Variants in SIGLEC12 observed in about 807,000 individuals in gnomAD.
SIGLEC12 encodes the protein sialic acid binding Ig like lectin 12.
Under a neutral mutation model 54.1 loss-of-function variants are expected in SIGLEC12, and 43 were observed. The ratio of observed to expected loss-of-function variants is 0.80; its 90% confidence interval spans 0.62 to 1.03. The LOEUF is 1.03. Among genes scored for constraint, SIGLEC12 ranks in the 50% least tolerant of loss-of-function variants. The pLI is 0.00. For missense variants in SIGLEC12, 802 were observed against 735.2 expected, an observed-to-expected ratio of 1.09 and a Z score of -1.05; for synonymous variants, 357 against 307.6, an observed-to-expected ratio of 1.16 and a Z score of -1.68.
rs1457225745 is a variant in SIGLEC12 at position 51,501,669 on chromosome 19, T to C, written c.65A>G (p.Lys22Arg). 2 of 1,613,950 alleles carry C rather than the reference T, an allele frequency of 1.2e-6. No homozygotes were observed. The highest frequency in any genetic ancestry group is 1.7e-6 in the Non-Finnish European group (2 of 1,179,974). ...CTTCTGCATTGTCAGCAGGTAATCC[T>C]TCTGTTCCTTAGCCCCCACTCTCCC... is the stretch of plus-strand genomic sequence containing the variant. ...LCGRVGAKEQ[K>R]DYLLTMQKSV... is the part of the protein sequence containing the mutation. Residue 22 changes from lysine to arginine, a missense_variant, in exon 1 of 8, where the codon AAG (lysine) becomes AGG (arginine). Transcript: ENST00000291707.
At chr19:51,497,896 A>C (rs896593670) in intron 5 of SIGLEC12, 122 bp downstream of exon 5, 18 of 1,389,058 alleles carry the variant, frequency 1.3e-5, no homozygotes, top group Non-Finnish European at 1.6e-5. Context: ...CCCACCCCGC[A>C]CTCACTGCTT....
intron 7 of SIGLEC12, among the ~76,000 whole-genome samples, chr19:51,494,643 T>C (rs1452513277): frequency 1.3e-5 from 2 of 152,168 alleles, no homozygotes; most frequent in Non-Finnish European, 2.9e-5. Flanking sequence ...AAGCAGGATA[T>C]TGAAAAGATA....
chr19:51,499,512 G>T lies in SIGLEC12; in HGVS notation c.1013C>A (p.Thr338Asn), dbSNP rs1161519746. The stretch of plus-strand genomic sequence containing the variant: ...CAAGGTCACCTGACAGGTGAGGCTG[G>T]TGCCATGGTCCTGGGGCTGTGGGAT... The part of the protein sequence containing the change: ...SLIPQPQDHG[T>N]SLTCQVTLPG... The change falls in exon 3 of 8, where the codon ACC (threonine) becomes AAC (asparagine). Residue 338 changes from threonine to asparagine, a missense_variant. Coordinates refer to ENST00000291707, the MANE Select transcript of SIGLEC12 (RefSeq NM_053003.4). 10 of 1,610,146 alleles carry T rather than the reference G, an allele frequency of 6.2e-6. No individual in the cohort carries two copies. Among genetic ancestry groups the T allele is most frequent in the Non-Finnish European group, 8.5e-6 (10 of 1,178,112 alleles).
rs756620320 is a variant in SIGLEC12 at position 51,499,725 on chromosome 19, G to A, written c.809-9C>T. 6.2e-7 allele frequency: 1 copy of A among 1,613,388 alleles called. No individual in the cohort carries two copies. Among genetic ancestry groups the A allele is most frequent in the Admixed American group, 1.7e-5 (1 of 59,910 alleles). On this transcript the variant is annotated splice_polypyrimidine_tract_variant and intron_variant, in intron 2 of 7. Coordinates refer to ENST00000291707, the MANE Select transcript of SIGLEC12 (RefSeq NM_053003.4). ...GGGCATGTGAGTCAGGGCTGGTGATGAAAGGGAGACAGGCAAAATGAGGGT... is the reference window on the plus strand; with the variant it reads ...GGGCATGTGAGTCAGGGCTGGTGATAAAAGGGAGACAGGCAAAATGAGGGT...
In SIGLEC12 at chr19:51,496,900, C is replaced by G; in HGVS notation, c.1579G>C (p.Val527Leu). Residue 527 changes from valine to leucine, a missense_variant, in exon 7 of 8, where the codon GTC (valine) becomes CTC (leucine). Physicochemically the swap from Val to Leu is conservative, Grantham distance 32. Transcript: ENST00000291707. ...CTCACCTGAGAGGCTGAGCCCCTGA[C>G]AGCGTTTGCGTCCTCCATGCCTGTA... ...GDTGMEDANA[V>L]RGSASQGPLI... The G allele has an allele frequency of 6.2e-7, 1 of 1,614,108 alleles. No homozygotes were observed. Among genetic ancestry groups the G allele is most frequent in the Non-Finnish European group, 8.5e-7 (1 of 1,180,020 alleles).
rs61743963 is a variant in SIGLEC12, at chr19:51,498,142, G to A, written c.1281C>T (p.Asn427=). ...CTCGAGGCAGCTCCAGCACCCCAAG[G>A]TTCGAGGACTGTGAGGGGCTCAGGG... The part of the protein sequence containing the change: ...SLTLSPSQSS[N]LGVLELPRVH... The change falls in exon 5 of 8, where the codon AAC becomes AAT. Residue 427 remains asparagine, a synonymous_variant. Coordinates refer to ENST00000291707, the MANE Select transcript of SIGLEC12 (RefSeq NM_053003.4). The A allele has an allele frequency of 0.037, 60,226 of 1,614,232 alleles. 1,407 individuals are homozygous for A. Among genetic ancestry groups the A allele is most frequent in the South Asian group, 0.085 (7,777 of 91,092 alleles).
intron 2 of SIGLEC12, 99 bp from the exon 3 acceptor site, chr19:51,499,815 A>G: frequency 1.3e-6 from 2 of 1,553,686 alleles, no homozygotes; most frequent in East Asian, 2.2e-5. Flanking sequence ...CCTGAGCCAG[A>G]TATGCTTCAC....
Position 51,501,582 on chromosome 19 carries a change from T to G in SIGLEC12, c.152A>C (p.Asn51Thr). Residue 51 changes from asparagine to threonine, a missense_variant, in exon 1 of 8, where the codon AAT becomes ACT. Physicochemically the swap from Asn to Thr is moderately conservative, Grantham distance 65 (BLOSUM62 0). Coordinates refer to ENST00000291707, the MANE Select transcript of SIGLEC12 (RefSeq NM_053003.4). ...SVLCSFSYPQ[N>T]GWTASDPVHG... ...AACTGGATCGGAGGCAGTCCAGCCA[T>G]TTTGGGGGTAGGAGAAGGAGCAAAG... The G allele has an allele frequency of 6.2e-7, 1 of 1,613,666 alleles. No homozygotes were observed. Among genetic ancestry groups the G allele is most frequent in the Non-Finnish European group, 8.5e-7 (1 of 1,179,746 alleles).
rs1568529004 is a variant in SIGLEC12 at position 51,495,394 on chromosome 19, T to TGGAC, written c.1599+1485_1599+1486insGTCC. Among the ~76,000 whole-genome samples, 279 of 56,154 alleles carry TGGAC rather than the reference T, an allele frequency of 5.0e-3. 1 individual carries two copies. The highest frequency in any genetic ancestry group is 7.2e-3 in the Non-Finnish European group (215 of 29,840). The allele number at this position is 56,154 out of a possible 152,430, so 36.8% of individuals were successfully genotyped here. The stretch of plus-strand genomic sequence containing the variant: ...ATGGATGGATGGATGGATGGATGGA[T>TGGAC]GGATGGGTGGGTGGGTGGGTGGATG... On this transcript the variant is annotated intron_variant, in intron 7 of 7. Coordinates refer to ENST00000291707, the MANE Select transcript of SIGLEC12 (RefSeq NM_053003.4).
Position 51,500,062 on chromosome 19 carries a change from G to T in SIGLEC12, c.666C>A (p.Leu222=), listed in dbSNP as rs1207388462. The stretch of plus-strand genomic sequence containing the variant: ...AGTTGTTGGTCTGTGGGTCCCCAAG[G>T]AGGAGGAATCGACCGTGGGTATCCT... ...VQEDTHGRFL[L]LGDPQTNNCS... Residue 222 remains leucine (L), a synonymous_variant, in exon 2 of 8, where the codon CTC becomes CTA. Coordinates refer to ENST00000291707, the MANE Select transcript of SIGLEC12 (RefSeq NM_053003.4). 1.2e-6 allele frequency: 2 copies of T among 1,614,154 alleles called. No homozygotes were observed. Among genetic ancestry groups the T allele is most frequent in the Non-Finnish European group, 1.7e-6 (2 of 1,180,000 alleles).
At chr19:51,492,453 T>G (rs1990131127) in intron 7 of SIGLEC12, among the ~76,000 whole-genome samples, 1 of 152,134 alleles carries the variant, frequency 6.6e-6, no homozygotes, top group African/African-American at 2.4e-5. Flanking sequence ...ATAAAATAAA[T>G]TATATCCCTC....
At chr19:51,492,704 A>T (rs1472245617) in intron 7 of SIGLEC12, among the ~76,000 whole-genome samples, 1 of 152,178 alleles carries the variant, frequency 6.6e-6, no homozygotes, top group Non-Finnish European at 1.5e-5. Flanking sequence ...ACTTGCAGAC[A>T]GAGGGAGGGT....
At position 51,491,453 on chromosome 19, in the gene SIGLEC12, T is replaced by C; in HGVS notation, c.*188A>G. Reference sequence around the variant, plus strand: ...GGTACCAGAGGCCGGGGGCGGGGAGTGTGGACCGATTGGATGGAGAAAGGG... The same window carrying C: ...GGTACCAGAGGCCGGGGGCGGGGAGCGTGGACCGATTGGATGGAGAAAGGG... On this transcript the variant is annotated 3_prime_UTR_variant, in exon 8 of 8. Coordinates refer to ENST00000291707, the MANE Select transcript of SIGLEC12 (RefSeq NM_053003.4). 1.8e-6 allele frequency: 1 copy of C among 571,070 alleles called. No homozygotes were observed. The highest frequency in any genetic ancestry group is 3.1e-6 in the Non-Finnish European group (1 of 325,362). The allele number at this position is 571,070 out of a possible 1,614,324, so 35.4% of individuals were successfully genotyped here.
At chr19:51,492,554 T>C (rs1191905975) in intron 7 of SIGLEC12, among the ~76,000 whole-genome samples, 6 of 152,200 alleles carry the variant, frequency 3.9e-5, no homozygotes, top group African/African-American at 1.4e-4. Context: ...AAAGGGGCTT[T>C]ACAGATGGAA....
In SIGLEC12 at chr19:51,498,119, C is replaced by A. The variant is rs1301555272; in HGVS notation, c.1304G>T (p.Arg435Leu). 4.3e-5 allele frequency: 70 copies of A among 1,614,214 alleles called. No homozygotes were observed. Among genetic ancestry groups the A allele is most frequent in the Non-Finnish European group, 5.8e-5 (68 of 1,180,038 alleles). ...SSNLGVLELPRVHVKDEGEFT... is the reference protein window; with the variant it reads ...SSNLGVLELPLVHVKDEGEFT... ...TTCCCCTTCATCCTTCACATGCACT[C>A]GAGGCAGCTCCAGCACCCCAAGGTT... Residue 435 changes from arginine (R) to leucine (L), a missense_variant, in exon 5 of 8, where the codon CGA becomes CTA. Coordinates refer to ENST00000291707, the MANE Select transcript of SIGLEC12 (RefSeq NM_053003.4).
chr19:51,494,635 G>A (rs1354909011), intron 7 of SIGLEC12, among the ~76,000 whole-genome samples: 2 of 152,198 alleles, frequency 1.3e-5, no homozygotes, highest in African/African-American at 4.8e-5. Context: ...AGAATTAAAA[G>A]CAGGATATTG....
intron 1 of SIGLEC12, chr19:51,500,532 C>G (rs1425953085): frequency 9.2e-6 from 2 of 216,896 alleles, no homozygotes; most frequent in East Asian, 1.8e-4. Context: ...GGAACTCATT[C>G]CCTCTGCACA....
Position 51,496,899 on chromosome 19 carries a change from A to C in SIGLEC12, c.1580T>G (p.Val527Gly). The change falls in exon 7 of 8, where the codon GTC (valine) becomes GGC (glycine). Residue 527 changes from valine (V) to glycine (G), a missense_variant. Transcript: ENST00000291707. ...ACTCACCTGAGAGGCTGAGCCCCTG[A>C]CAGCGTTTGCGTCCTCCATGCCTGT... ...GDTGMEDANAVRGSASQGPLI... is the reference protein window; with the variant it reads ...GDTGMEDANAGRGSASQGPLI... 1.9e-6 allele frequency: 3 copies of C among 1,614,048 alleles called. No individual in the cohort carries two copies. Among genetic ancestry groups the C allele is most frequent in the Non-Finnish European group, 2.5e-6 (3 of 1,180,002 alleles).
Position 51,501,408 on chromosome 19 carries a change from C to T in SIGLEC12, c.326G>A (p.Arg109Lys). Residue 109 changes from arginine to lysine, a missense_variant, in exon 1 of 8, where the codon AGA becomes AAA. Coordinates refer to ENST00000291707, the MANE Select transcript of SIGLEC12 (RefSeq NM_053003.4). The stretch of plus-strand genomic sequence containing the variant: ...CCCTGCATCACTCTCTCTGGTGTCT[C>T]TGATGCTCAGGGTACAATCCTTGTT... Reference protein sequence around the residue: ...PQNKDCTLSIRDTRESDAGTY... With the variant: ...PQNKDCTLSIKDTRESDAGTY... 1 of 1,614,232 alleles carries T rather than the reference C, an allele frequency of 6.2e-7. No individual in the cohort carries two copies. The highest frequency in any genetic ancestry group is 8.5e-7 in the Non-Finnish European group (1 of 1,180,038).
Sources: gnomAD v4.1 joint callset for allele counts (sites outside exome capture counted in the v4.1 genomes callset) on GRCh38, gnomAD v4.1.1 for gene constraint, MANE v1.5 for transcripts, NCBI Gene and HGNC (gene_info 2026-07-23, HGNC 2026-07-21) for gene names.